The following IL20RA variants were observed in gnomAD, a reference collection of about 807,000 sequenced individuals.
IL20RA encodes the protein interleukin-20 receptor subunit alpha.
Under a neutral mutation model 36.5 loss-of-function variants are expected in IL20RA, and 29 were observed. The observed-to-expected ratio is 0.79, with a 90% CI of 0.59 to 1.08. The LOEUF is 1.08. Among genes scored for constraint, IL20RA ranks in the 50% least tolerant of loss-of-function variants. The pLI is 0.00. For synonymous variants in IL20RA, 279 were observed against 267.1 expected, an observed-to-expected ratio of 1.04 and a Z score of -0.43; for missense variants, 652 against 668.4, an observed-to-expected ratio of 0.98 and a Z score of 0.27.
intron 1 of IL20RA, among the ~76,000 whole-genome samples, chr6:137,034,816 G>A (rs960576451): frequency 2.6e-5 from 4 of 152,194 alleles, no homozygotes; most frequent in Middle Eastern, 3.4e-3. Flanking sequence ...GTGGTGGCGG[G>A]CGCCTGTAGT....
intron 4 of IL20RA, 92 bp from the exon 5 acceptor site, chr6:137,008,835 C>T: frequency 3.8e-6 from 3 of 785,192 alleles, no homozygotes; most frequent in Non-Finnish European, 5.6e-6. Flanking sequence ...AAGACCAAGG[C>T]ACCATTTAAT....
At chr6:137,012,415 G>A (rs1006155540) in intron 2 of IL20RA, among the ~76,000 whole-genome samples, 2 of 152,178 alleles carry the variant, frequency 1.3e-5, no homozygotes, top group African/African-American at 2.4e-5. Context: ...CTACGAAAAA[G>A]AGCACTGAGA....
intron 1 of IL20RA, among the ~76,000 whole-genome samples, chr6:137,042,602 T>C (rs374181183): frequency 4.0e-4 from 61 of 152,316 alleles, no homozygotes; most frequent in African/African-American, 1.4e-3. Context: ...CATAGACATT[T>C]TGAATTCCAT....
chr6:137,044,347 AC>A, intron 1 of IL20RA: 2 of 1,018,368 alleles, frequency 2.0e-6, no homozygotes, highest in Non-Finnish European at 1.2e-6. Context: ...CGCAGAGCGC[AC>A]CCCCCACCGA....
intron 5 of IL20RA, among the ~76,000 whole-genome samples, chr6:137,006,109 G>A (rs1775268241): frequency 1.3e-5 from 2 of 152,120 alleles, no homozygotes; most frequent in South Asian, 2.1e-4. Context: ...GAGTGTGACC[G>A]GAGCATTCTA....
At chr6:137,004,934 T>A (rs143262900) in intron 5 of IL20RA, among the ~76,000 whole-genome samples, 174 bp from the exon 6 acceptor site, 7 of 152,296 alleles carry the variant, frequency 4.6e-5, no homozygotes, top group Non-Finnish European at 5.9e-5. Context: ...TTATAAGCGG[T>A]CTCAGAATTC....
At chr6:137,007,509 G>A (rs1389147757) in intron 5 of IL20RA, among the ~76,000 whole-genome samples, 2 of 152,150 alleles carry the variant, frequency 1.3e-5, no homozygotes, top group South Asian at 4.1e-4. Context: ...GAAAAGAAGC[G>A]GAGGAATAAT....
rs1440998999 is a variant in IL20RA at position 137,044,651 on chromosome 6, C to T, written c.78G>A (p.Trp26Ter). The T allele has an allele frequency of 1.4e-5, 17 of 1,223,834 alleles. No homozygotes were observed. The highest frequency in any genetic ancestry group is 1.4e-5 in the Non-Finnish European group (14 of 982,628). The allele number at this position is 1,223,834 out of a possible 1,614,324, so 75.8% of individuals were successfully genotyped here. A position where few individuals can be genotyped will look rare whatever the true frequency, so the allele number is the denominator to read the frequency against. The change falls in exon 1 of 7, where the codon TGG becomes TGA. Residue 26 changes from tryptophan (W) to a stop codon, truncating the protein, a stop_gained. Coordinates refer to ENST00000316649, the MANE Select transcript of IL20RA (RefSeq NM_014432.4). LOFTEE classifies it high-confidence loss of function. ...PLLLLLLAAP[W>*]GRAVPCVSGG... is the part of the protein sequence containing the mutation. The stretch of plus-strand genomic sequence containing the variant: ...GCGCGACCCACCTACCTGCCCGTCC[C>T]CAAGGCGCCGCCAGGAGCAACAGCA...
intron 1 of IL20RA, among the ~76,000 whole-genome samples, chr6:137,018,420 C>T (rs1212369263): frequency 6.6e-6 from 1 of 152,008 alleles, no homozygotes; most frequent in Non-Finnish European, 1.5e-5. Flanking sequence ...ATTGTCATGA[C>T]TCCTACTTTT....
intron 2 of IL20RA, among the ~76,000 whole-genome samples, chr6:137,015,695 T>C (rs540312410): frequency 2.0e-5 from 3 of 152,276 alleles, no homozygotes; most frequent in African/African-American, 7.2e-5. Flanking sequence ...CTTGGCTTTA[T>C]TGTCCAGACT....
chr6:137,004,530 A>T, intron 6 of IL20RA, 91 bp downstream of exon 6: 1 of 1,237,230 alleles, frequency 8.1e-7, no homozygotes, highest in Non-Finnish European at 1.2e-6. Flanking sequence ...CTCTGCCCTT[A>T]AAGGGAACTG....
intron 2 of IL20RA, 118 bp downstream of exon 2, chr6:137,016,850 C>A: frequency 1.0e-6 from 1 of 958,404 alleles, no homozygotes; most frequent in Non-Finnish European, 1.6e-6. Context: ...CCTGAAATAT[C>A]TAAAACTTTT....
intron 2 of IL20RA, among the ~76,000 whole-genome samples, chr6:137,012,785 A>C (rs1400840071): frequency 6.6e-6 from 1 of 152,264 alleles, no homozygotes; most frequent in Non-Finnish European, 1.5e-5. Flanking sequence ...CTTGAGAAAG[A>C]GGATATGTCC....
intron 3 of IL20RA, among the ~76,000 whole-genome samples, chr6:137,010,283 C>T (rs1042379695): frequency 4.6e-5 from 7 of 152,172 alleles, no homozygotes; most frequent in Non-Finnish European, 8.8e-5. Flanking sequence ...TTGCACTACT[C>T]CACTCTTGCT....
chr6:137,005,542 G>A (rs1775249264), intron 5 of IL20RA, among the ~76,000 whole-genome samples: 1 of 152,104 alleles, frequency 6.6e-6, no homozygotes, highest in South Asian at 2.1e-4. Context: ...AAGCCACTGT[G>A]GTATACTTGG....
chr6:137,024,023 G>A (rs563286985), intron 1 of IL20RA, among the ~76,000 whole-genome samples: 29 of 152,336 alleles, frequency 1.9e-4, no homozygotes, highest in African/African-American at 6.7e-4. Context: ...GAACCCAGGA[G>A]GTGGAGGTTG....
chr6:137,037,657 G>C (rs1776535538), intron 1 of IL20RA, among the ~76,000 whole-genome samples: 1 of 152,128 alleles, frequency 6.6e-6, no homozygotes, highest in African/African-American at 2.4e-5. Context: ...TTAGAATGTT[G>C]TAGACCAGCA....
At chr6:137,029,608 T>C (rs1330365826) in intron 1 of IL20RA, among the ~76,000 whole-genome samples, 7 of 152,348 alleles carry the variant, frequency 4.6e-5, no homozygotes, top group East Asian at 3.9e-4. Flanking sequence ...ATGATCATCA[T>C]AGTAACTGGA....
chr6:137,002,489 G>T, intron 6 of IL20RA, 134 bp from the exon 7 acceptor site: 1 of 637,900 alleles, frequency 1.6e-6, no homozygotes. Context: ...TGAAAGTTAT[G>T]CTTGCAATAT....
Sources: allele counts gnomAD v4.1 joint callset (sites outside exome capture counted in the v4.1 genomes callset), GRCh38; gene constraint gnomAD v4.1.1; transcripts MANE v1.5; gene names NCBI Gene and HGNC (gene_info 2026-07-23, HGNC 2026-07-21).